Variants in FAM25C observed in about 807,000 individuals in gnomAD.
FAM25C encodes family with sequence similarity 25 member C.
Under a neutral mutation model 9.6 loss-of-function variants are expected in FAM25C, and 4 were observed. That is an observed-to-expected ratio of 0.42 (90% CI 0.20 to 0.95). The LOEUF is 0.95. Among genes scored for constraint, FAM25C ranks in the 40% least tolerant of loss-of-function variants. The pLI is 0.31. For missense variants in FAM25C, 38 were observed against 110.4 expected, an observed-to-expected ratio of 0.34 and a Z score of 2.94; for synonymous variants, 23 against 44.1, an observed-to-expected ratio of 0.52 and a Z score of 1.89.
chr10:47,998,787 G>A (rs1842841928), intron 1 of FAM25C, among the ~76,000 whole-genome samples: 1 of 143,112 alleles, frequency 7.0e-6, no homozygotes, highest in Admixed American at 7.0e-5. Flanking sequence ...CTAGTGAAAG[G>A]TTAAAGCAGG....
At chr10:47,998,103 C>G (rs1344562435) in intron 1 of FAM25C, among the ~76,000 whole-genome samples, 1 of 151,366 alleles carries the variant, frequency 6.6e-6, no homozygotes, top group Non-Finnish European at 1.5e-5. Context: ...TTGGCCCTGC[C>G]CGGCCTGGAA....
chr10:47,997,855 A>T (rs1450423906), intron 1 of FAM25C, 116 bp from the exon 2 acceptor site: 10 of 667,884 alleles, frequency 1.5e-5, no homozygotes, highest in Non-Finnish European at 2.7e-5. Flanking sequence ...GAGGGCTCAG[A>T]GCAGGCCCAC....
At chr10:47,997,790 C>G (rs2132305105) in intron 1 of FAM25C, 51 bp from the exon 2 acceptor site, 1 of 1,534,600 alleles carries the variant, frequency 6.5e-7, no homozygotes, top group Non-Finnish European at 8.8e-7. Flanking sequence ...GGCCGGCTGC[C>G]CCTGAGTCCA....
Position 47,997,352 on chromosome 10 carries a change from G to A in FAM25C, c.136+325C>T, listed in dbSNP as rs11817664. On this transcript the variant is annotated intron_variant, in intron 2 of 2. Transcript: ENST00000617224. ...TCTCGATCTCCTGACCTCGTGATCC[G>A]CCCTCCTCAGCCTCCCAAAGTGCTG... 7.9e-5 allele frequency among the ~76,000 whole-genome samples: 12 copies of A among 151,684 alleles called. No homozygotes were observed. The East Asian group carries it at 9.7e-4, about 12-fold the overall frequency.
intron 2 of FAM25C, among the ~76,000 whole-genome samples, chr10:47,997,162 G>A (rs1171473840): frequency 1.4e-5 from 2 of 144,828 alleles, no homozygotes; most frequent in East Asian, 2.0e-4. Flanking sequence ...AGGCTGGAGT[G>A]CAGTGGCATG....
At chr10:47,997,578 G>T (rs1240794358) in intron 2 of FAM25C, 99 bp downstream of exon 2, 1 of 761,740 alleles carries the variant, frequency 1.3e-6, no homozygotes, top group East Asian at 2.7e-5. Flanking sequence ...GCAACATTAG[G>T]GGCAGAGTTT....
At chr10:47,998,298 GT>G (rs1275557524) in intron 1 of FAM25C, among the ~76,000 whole-genome samples, 2 of 148,758 alleles carry the variant, frequency 1.3e-5, no homozygotes, top group Admixed American at 6.7e-5. Context: ...CTACTTCAGA[GT>G]TTTTTAAAGT....
chr10:47,998,041 A>G (rs1281107586), intron 1 of FAM25C, among the ~76,000 whole-genome samples: 17 of 151,072 alleles, frequency 1.1e-4, no homozygotes, highest in Non-Finnish European at 1.5e-4. Context: ...GGCCTTGGCT[A>G]CCGGGAGACG....
chr10:47,997,062 G>A (rs566632915), intron 2 of FAM25C, among the ~76,000 whole-genome samples: 2,314 of 147,654 alleles, frequency 0.016, 52 homozygotes, highest in African/African-American at 0.052. Context: ...CTCATGATCC[G>A]CCCACCTCAG....
At chr10:47,998,483 G>C (rs577596995) in intron 1 of FAM25C, among the ~76,000 whole-genome samples, 437 of 139,426 alleles carry the variant, frequency 3.1e-3, no homozygotes, top group East Asian at 0.01. Flanking sequence ...AAAGGAATGA[G>C]AAAGAGACAG....
At chr10:47,998,518 G>A (rs1475202204) in intron 1 of FAM25C, among the ~76,000 whole-genome samples, 3 of 132,702 alleles carry the variant, frequency 2.3e-5, no homozygotes, top group Non-Finnish European at 4.9e-5. Flanking sequence ...TGGGAGCAGG[G>A]CGCTATCGCG....
chr10:47,997,399 G>A (rs1366801233), intron 2 of FAM25C, among the ~76,000 whole-genome samples: 31 of 151,998 alleles, frequency 2.0e-4, no homozygotes, highest in East Asian at 1.2e-3. Flanking sequence ...ATGAGCCACC[G>A]TGCCCTGCCA....
chr10:47,996,813 CAT>C (rs1842807161), intron 2 of FAM25C, among the ~76,000 whole-genome samples: 1 of 130,250 alleles, frequency 7.7e-6, no homozygotes, highest in African/African-American at 2.9e-5. Flanking sequence ...TAGAATTTTA[CAT>C]GTTAATTTTT....
At chr10:47,998,853 A>G (rs1842842473) in intron 1 of FAM25C, among the ~76,000 whole-genome samples, 2 of 127,306 alleles carry the variant, frequency 1.6e-5, no homozygotes, top group East Asian at 2.4e-4. Context: ...GCCATTTAGA[A>G]AGAGGACACA....
intron 2 of FAM25C, among the ~76,000 whole-genome samples, chr10:47,997,015 T>C (rs1329395315): frequency 1.4e-5 from 2 of 145,628 alleles, no homozygotes; most frequent in African/African-American, 2.5e-5. Flanking sequence ...GTATTTTTAG[T>C]AGAGATGGGG....
At chr10:47,997,139 C>T (rs3125114) in intron 2 of FAM25C, among the ~76,000 whole-genome samples, 47,392 of 139,858 alleles carry the variant, frequency 0.34, 8,141 homozygotes, top group South Asian at 0.49. Context: ...GACCGAGTTT[C>T]GCTCTGTAGC....
chr10:47,998,675 C>T (rs868926848), intron 1 of FAM25C, among the ~76,000 whole-genome samples: 134 of 135,412 alleles, frequency 9.9e-4, no homozygotes, highest in African/African-American at 3.4e-3. Context: ...GAGAGAATGG[C>T]AGTGCTAGAA....
chr10:47,995,820 T>TC (rs1842793121), intron 2 of FAM25C, among the ~76,000 whole-genome samples: 1 of 151,076 alleles, frequency 6.6e-6, no homozygotes, highest in Non-Finnish European at 1.5e-5. Context: ...TATTGGATTA[T>TC]CATTTTTATG....
chr10:47,996,865 A>G lies in FAM25C; in HGVS notation c.136+812T>C, dbSNP rs547197848. On this transcript the variant is annotated intron_variant, in intron 2 of 2. Transcript: ENST00000617224. ...TTTTTTTTTTGAGACAGAGTATCAC[A>G]GTGTCGCCCAGGCTGGAGTGCAGTG... Among the ~76,000 whole-genome samples the G allele has an allele frequency of 6.1e-5, 7 of 114,906 alleles. No individual in the cohort carries two copies. In the South Asian group the frequency reaches 2.0e-3, roughly 33 times the overall value. 75.4% of individuals were successfully genotyped at this position (114,906 alleles called of 152,430 possible).
Sources: gnomAD v4.1 joint callset for allele counts (sites outside exome capture counted in the v4.1 genomes callset) on GRCh38, gnomAD v4.1.1 for gene constraint, MANE v1.5 for transcripts, NCBI Gene and HGNC (gene_info 2026-07-23, HGNC 2026-07-21) for gene names.